KANK4: variants seen among roughly 807,000 people sequenced by gnomAD.
KANK4 encodes KN motif and ankyrin repeat domain-containing protein 4.
Under a neutral mutation model 80.8 loss-of-function variants are expected in KANK4, and 50 were observed. The ratio of observed to expected loss-of-function variants is 0.62; its 90% CI spans 0.49 to 0.78. The LOEUF is 0.78. KANK4 is among the 30% of genes least tolerant of loss of function. KANK4 has a pLI of 0.00. For synonymous variants in KANK4, 465 were observed against 506.9 expected (o/e 0.92, Z 1.11); for missense variants, 1,196 against 1,240.1 (o/e 0.96, Z 0.53).
At chr1:62,257,706 T>C (rs1322638497) in intron 7 of KANK4, among the ~76,000 whole-genome samples, 1 of 152,136 alleles carries the variant, frequency 6.6e-6, no homozygotes, top group East Asian at 1.9e-4. Context: ...TCAATATCCC[T>C]TCTACAGAAG....
In KANK4 at chr1:62,263,115, A is replaced by T. The variant is rs1386517391; in HGVS notation, c.2516T>A (p.Ile839Asn). 3.1e-6 allele frequency: 5 copies of T among 1,613,354 alleles called. No individual in the cohort carries two copies. Among genetic ancestry groups the T allele is most frequent in the Middle Eastern group, 1.7e-4 (1 of 6,034 alleles). Residue 839 changes from isoleucine to asparagine, a missense_variant, in exon 7 of 10, where the codon ATC becomes AAC. Physicochemically the swap from Ile to Asn is moderately radical, Grantham distance 149. Around this residue, in one of 3 missense-constraint regions of KANK4, gnomAD observed 1,154 missense variants for 1,179.6 expected, o/e 0.98. Coordinates refer to ENST00000371153, the MANE Select transcript of KANK4 (RefSeq NM_181712.5). ...ACCTGTCTCCAGCAGCAGCTTCACGATGGAGAAGTTGGAGTGGGACACGCT... is the reference window on the plus strand; with the variant it reads ...ACCTGTCTCCAGCAGCAGCTTCACGTTGGAGAAGTTGGAGTGGGACACGCT... ...HYSVSHSNFSIVKLLLETGVC... is the reference protein window; with the variant it reads ...HYSVSHSNFSNVKLLLETGVC...
chr1:62,238,531 T>A, intron 9 of KANK4, 150 bp from the exon 10 acceptor site: 1 of 601,142 alleles, frequency 1.7e-6, no homozygotes, highest in Non-Finnish European at 3.0e-6. Flanking sequence ...TCGAATGGCA[T>A]GAGGATCACC....
In KANK4 at chr1:62,273,287, G is replaced by T; in HGVS notation, c.1817C>A (p.Ser606Tyr). Residue 606 changes from serine (S) to tyrosine (Y), a missense_variant, in exon 3 of 10, where the codon TCC becomes TAC. Physicochemically the swap from Ser to Tyr is moderately radical, Grantham distance 144 (BLOSUM62 -2). This residue lies in a region of KANK4 where 1,154 missense variants were observed against 1,179.6 expected (regional missense o/e 0.98). Coordinates refer to ENST00000371153, the MANE Select transcript of KANK4 (RefSeq NM_181712.5). ...LSSIQSQLLS[S>Y]LNLLLSAYSA... Reference sequence around the variant, plus strand: ...GTAGGCCGACAGCAGCAGGTTGAGGGAGCTCAGCAGCTGGCTCTGGATGCT... The same window carrying T: ...GTAGGCCGACAGCAGCAGGTTGAGGTAGCTCAGCAGCTGGCTCTGGATGCT... 6.3e-7 allele frequency: 1 copy of T among 1,588,864 alleles called. No individual in the cohort carries two copies. Among genetic ancestry groups the T allele is most frequent in the Non-Finnish European group, 8.6e-7 (1 of 1,164,022 alleles).
intron 6 of KANK4, among the ~76,000 whole-genome samples, chr1:62,265,487 C>T (rs1311892873): frequency 6.6e-6 from 1 of 152,194 alleles, no homozygotes; most frequent in Non-Finnish European, 1.5e-5. Context: ...AGTGATCCAC[C>T]TGTCTTGGCC....
chr1:62,240,913 T>C (rs556957934), intron 9 of KANK4, among the ~76,000 whole-genome samples: 3 of 152,180 alleles, frequency 2.0e-5, no homozygotes, highest in Admixed American at 1.3e-4. Flanking sequence ...TACAGAATTC[T>C]GAACTCTAAA....
intron 7 of KANK4, 68 bp downstream of exon 7, chr1:62,263,024 A>G: frequency 8.0e-7 from 1 of 1,247,840 alleles, no homozygotes; most frequent in South Asian, 1.3e-5. Flanking sequence ...AATTTTTGAA[A>G]AAAATTTTAA....
At chr1:62,311,867 TAAATA>T (rs1644500870) in intron 1 of KANK4, among the ~76,000 whole-genome samples, 1 of 152,164 alleles carries the variant, frequency 6.6e-6, no homozygotes, top group African/African-American at 2.4e-5. Context: ...TGCCAACAAT[TAAATA>T]AAATTTACTA....
In KANK4 at chr1:62,243,738, T is replaced by C. The variant is rs191812935; in HGVS notation, c.2883+3734A>G. ...ATGTCAGGAGCATTTGCTCACCCAC[T>C]TGTGACTAAAAATGTCCCCAGACAT... On this transcript the variant is annotated intron_variant, in intron 9 of 9. Coordinates refer to ENST00000371153, the MANE Select transcript of KANK4 (RefSeq NM_181712.5). 2.0e-5 allele frequency among the ~76,000 whole-genome samples: 3 copies of C among 152,280 alleles called. No individual in the cohort carries two copies. In the East Asian group the frequency reaches 5.8e-4, roughly 29 times the overall value.
At chr1:62,312,446 C>A (rs1311264425) in intron 1 of KANK4, among the ~76,000 whole-genome samples, 2 of 152,194 alleles carry the variant, frequency 1.3e-5, no homozygotes, top group Non-Finnish European at 2.9e-5. Flanking sequence ...ACGGGAACCC[C>A]TTGGGGCTCT....
intron 7 of KANK4, among the ~76,000 whole-genome samples, chr1:62,257,880 C>A (rs1007816474): frequency 2.6e-5 from 4 of 152,104 alleles, no homozygotes; most frequent in African/African-American, 9.7e-5. Context: ...TTATACCACC[C>A]AAATTTTAGT....
At chr1:62,278,592 A>G (rs1484294845) in intron 2 of KANK4, among the ~76,000 whole-genome samples, 1 of 150,930 alleles carries the variant, frequency 6.6e-6, no homozygotes, top group East Asian at 2.0e-4. Flanking sequence ...AGGGGGTTTC[A>G]CTATTTTGGC....
At chr1:62,242,137 C>T (rs1348378776) in intron 9 of KANK4, among the ~76,000 whole-genome samples, 1 of 151,444 alleles carries the variant, frequency 6.6e-6, no homozygotes, top group Non-Finnish European at 1.5e-5. Context: ...CTAGGAGACC[C>T]CGACTGAAGA....
At chr1:62,309,069 G>A (rs968523108) in intron 1 of KANK4, among the ~76,000 whole-genome samples, 1 of 152,188 alleles carries the variant, frequency 6.6e-6, no homozygotes, top group Non-Finnish European at 1.5e-5. Context: ...CCATAAGATG[G>A]GTGGCTTCCA....
intron 6 of KANK4, among the ~76,000 whole-genome samples, chr1:62,264,848 T>C (rs959550132): frequency 3.3e-5 from 5 of 152,250 alleles, no homozygotes; most frequent in Non-Finnish European, 5.9e-5. Flanking sequence ...TTGGTTTCTT[T>C]TGAGACAGAG....
chr1:62,243,594 C>G (rs1671397280), intron 9 of KANK4, among the ~76,000 whole-genome samples: 1 of 152,178 alleles, frequency 6.6e-6, no homozygotes, highest in Non-Finnish European at 1.5e-5. Flanking sequence ...CCGCCTCGGC[C>G]TCCCAAAGTG....
At chr1:62,295,381 C>T (rs1644354523) in intron 1 of KANK4, among the ~76,000 whole-genome samples, 1 of 152,182 alleles carries the variant, frequency 6.6e-6, no homozygotes, top group African/African-American at 2.4e-5. Flanking sequence ...CCTGGCTGGT[C>T]TCCTGAGCTC....
At chr1:62,280,847 C>T (rs943533022) in intron 2 of KANK4, among the ~76,000 whole-genome samples, 1 of 152,124 alleles carries the variant, frequency 6.6e-6, no homozygotes, top group Non-Finnish European at 1.5e-5. Flanking sequence ...AATATCTGAC[C>T]CTTGGGGTAC....
chr1:62,306,164 T>C (rs1002493712), intron 1 of KANK4, among the ~76,000 whole-genome samples: 6 of 151,918 alleles, frequency 3.9e-5, no homozygotes, highest in African/African-American at 1.5e-4. Context: ...TTTATTTTTA[T>C]GTTTTGTAGA....
intron 1 of KANK4, among the ~76,000 whole-genome samples, chr1:62,294,794 G>A (rs1001501195): frequency 6.6e-6 from 1 of 152,186 alleles, no homozygotes; most frequent in Non-Finnish European, 1.5e-5. Flanking sequence ...ACCCAGCCTC[G>A]GCAGCATGCC....
Sources: allele counts gnomAD v4.1 joint callset (sites outside exome capture counted in the v4.1 genomes callset), GRCh38; gene constraint gnomAD v4.1.1; regional missense constraint gnomAD v4.1.1; transcripts MANE v1.5; gene names NCBI Gene and HGNC (gene_info 2026-07-23, HGNC 2026-07-21).